Variants in EIF3J observed in about 807,000 individuals in gnomAD.
EIF3J encodes the protein eukaryotic translation initiation factor 3, subunit 1 (alpha, 35kD).
EIF3J carries 15 observed loss-of-function variants against 39.0 expected under a neutral mutation model. That is an observed-to-expected ratio of 0.38 (90% CI 0.26 to 0.59). The LOEUF is 0.59. Among genes scored for constraint, EIF3J ranks in the 20% least tolerant of loss-of-function variants. EIF3J has a pLI of 0.60. For synonymous variants in EIF3J, 98 were observed against 112.9 expected, an observed-to-expected ratio of 0.87 and a Z score of 0.84; for missense variants, 226 against 308.6, an observed-to-expected ratio of 0.73 and a Z score of 2.00.
intron 2 of EIF3J, among the ~76,000 whole-genome samples, chr15:44,550,320 G>T (rs78745120): frequency 6.6e-6 from 1 of 152,246 alleles, no homozygotes; most frequent in South Asian, 2.1e-4. Context: ...GGGTTTTTAT[G>T]ATAGTGAGTT....
At chr15:44,554,054 C>T (rs940666788) in intron 4 of EIF3J, among the ~76,000 whole-genome samples, 2 of 152,044 alleles carry the variant, frequency 1.3e-5, no homozygotes, top group African/African-American at 2.4e-5. Context: ...TTTGTGCCTC[C>T]ATTGCTTATC....
At chr15:44,544,945 A>G (rs999474967) in intron 2 of EIF3J, among the ~76,000 whole-genome samples, 7 of 150,418 alleles carry the variant, frequency 4.7e-5, no homozygotes, top group African/African-American at 1.7e-4. Flanking sequence ...CGGAGGTTGC[A>G]GTGAGCTGAG....
chr15:44,557,351 ACTCCAGTGG>A (rs1251232518), intron 5 of EIF3J, 129 bp from the exon 6 acceptor site: 4 of 507,474 alleles, frequency 7.9e-6, no homozygotes, highest in Non-Finnish European at 1.3e-5. Context: ...CTATCCAGTG[ACTCCAGTGG>A]CTCCAGGTTC....
rs369373873 is a variant in EIF3J, at chr15:44,537,215, G to A, written c.21G>A (p.Ala7=). ...TCGAGATGGCGGCGGCGGCGGCGGC[G>A]GCGGGGGACTCGGACTCCTGGGGTG... is the stretch of plus-strand genomic sequence containing the variant. MAAAAA[A]AGDSDSWDAD... The change falls in exon 1 of 8, where the codon GCG becomes GCA. Residue 7 remains alanine (A), a synonymous_variant. Transcript: ENST00000261868. The A allele has an allele frequency of 3.1e-6, 5 of 1,604,172 alleles. No individual in the cohort carries two copies. Among genetic ancestry groups the A allele is most frequent in the Admixed American group, 1.7e-5 (1 of 58,956 alleles).
In EIF3J at chr15:44,540,235, CTATATA is replaced by C. The variant is rs1158019805; in HGVS notation, c.147+2836_147+2841del. Among the ~76,000 whole-genome samples, 586 of 76,232 alleles carry C rather than the reference CTATATA, an allele frequency of 7.7e-3. 7 individuals are homozygous for C. Among genetic ancestry groups the C allele is most frequent in the African/African-American group, 0.02 (342 of 17,526 alleles). 50.0% of individuals were successfully genotyped at this position (76,232 alleles called of 152,430 possible). On this transcript the variant is annotated intron_variant, in intron 2 of 7. Transcript: ENST00000261868. ...TACAGACGTGAGCCACCGCGCCTGG[CTATATA>C]TATATATATATATATATATATATAT...
intron 2 of EIF3J, among the ~76,000 whole-genome samples, chr15:44,548,002 T>G (rs1567117240): frequency 6.6e-6 from 1 of 152,106 alleles, no homozygotes; most frequent in African/African-American, 2.4e-5. Context: ...TGAAGTTAGA[T>G]AAGTTGATAT....
Position 44,550,917 on chromosome 15 carries a change from A to G in EIF3J, c.189A>G (p.Ala63=). 6.2e-7 allele frequency: 1 copy of G among 1,610,082 alleles called. No individual in the cohort carries two copies. Among genetic ancestry groups the G allele is most frequent in the Non-Finnish European group, 8.5e-7 (1 of 1,177,588 alleles). ...ATGATGATGAAAAAAAAGAGGAAGC[A>G]GAAGTAAAACCAGGTGAGCCACTGG... ...DDDDDEKKEE[A]EVKPEVKISE... The change falls in exon 3 of 8, where the codon GCA becomes GCG. Residue 63 remains alanine, a synonymous_variant. Coordinates refer to ENST00000261868, the MANE Select transcript of EIF3J (RefSeq NM_003758.4).
At chr15:44,544,918 T>C (rs1425094031) in intron 2 of EIF3J, among the ~76,000 whole-genome samples, 1 of 150,006 alleles carries the variant, frequency 6.7e-6, no homozygotes, top group East Asian at 2.0e-4. Flanking sequence ...GCAGGAAAAT[T>C]GCTTGAACCT....
intron 2 of EIF3J, among the ~76,000 whole-genome samples, chr15:44,545,799 C>T (rs1833836021): frequency 6.6e-6 from 1 of 152,190 alleles, no homozygotes; most frequent in Non-Finnish European, 1.5e-5. Context: ...ATTCTTCTAA[C>T]TGTAACTTTA....
chr15:44,539,591 G>A (rs1286450518), intron 2 of EIF3J, among the ~76,000 whole-genome samples: 3 of 151,474 alleles, frequency 2.0e-5, no homozygotes, highest in Admixed American at 6.6e-5. Flanking sequence ...TAGTAGAGAC[G>A]GGGTTTCACC....
chr15:44,548,437 C>G (rs1052896927), intron 2 of EIF3J, among the ~76,000 whole-genome samples: 8 of 151,886 alleles, frequency 5.3e-5, no homozygotes, highest in Admixed American at 3.9e-4. Flanking sequence ...CCAAAAAAAC[C>G]CAGTATGGTA....
chr15:44,549,873 T>A (rs954141563), intron 2 of EIF3J, among the ~76,000 whole-genome samples: 3 of 147,116 alleles, frequency 2.0e-5, no homozygotes, highest in African/African-American at 7.6e-5. Context: ...GGCAGGAGAA[T>A]CGCTTGAACC....
chr15:44,537,332 G>T lies in EIF3J; in HGVS notation c.52G>T (p.Ala18Ser). 1.3e-6 allele frequency: 2 copies of T among 1,563,736 alleles called. No homozygotes were observed. The highest frequency in any genetic ancestry group is 2.3e-5 in the South Asian group (2 of 85,478). Reference sequence around the variant, plus strand: ...CTCGCTTTCTTCCGTAGACGCCGACGCTTTCTCCGTGGAAGACCCAGTGCG... The same window carrying T: ...CTCGCTTTCTTCCGTAGACGCCGACTCTTTCTCCGTGGAAGACCCAGTGCG... ...AGDSDSWDAD[A>S]FSVEDPVRKV... Residue 18 changes from alanine (A) to serine (S), a missense_variant, in exon 2 of 8, where the codon GCT becomes TCT. By Grantham distance (99) the Ala-to-Ser change is moderately conservative. Transcript: ENST00000261868.
At chr15:44,539,695 C>G (rs568991353) in intron 2 of EIF3J, among the ~76,000 whole-genome samples, 1 of 151,630 alleles carries the variant, frequency 6.6e-6, no homozygotes, top group Non-Finnish European at 1.5e-5. Context: ...CCACCACACC[C>G]GGCCCCAGTT....
rs371734858 is a variant in EIF3J at position 44,539,943 on chromosome 15, CTT to C, written c.147+2529_147+2530del. On this transcript the variant is annotated intron_variant, in intron 2 of 7. Transcript: ENST00000261868. Reference sequence around the variant, plus strand: ...GCCCAGCTAATTTACATATTTTTTTCTTTTTTTTTTTTTTGAGATAGAGTCTT... The same window carrying C: ...GCCCAGCTAATTTACATATTTTTTTCTTTTTTTTTTTTGAGATAGAGTCTT... Among the ~76,000 whole-genome samples the C allele has an allele frequency of 2.2e-3, 286 of 131,026 alleles. 1 individual carries two copies. The highest frequency in any genetic ancestry group is 7.6e-3 in the African/African-American group (264 of 34,846). 86.0% of individuals were successfully genotyped at this position (131,026 alleles called of 152,430 possible).
intron 2 of EIF3J, 52 bp downstream of exon 2, chr15:44,537,479 C>T: frequency 6.9e-7 from 1 of 1,446,118 alleles, no homozygotes; most frequent in South Asian, 1.5e-5. Flanking sequence ...GGCGCTGTTG[C>T]CGGCCGACTC....
intron 2 of EIF3J, among the ~76,000 whole-genome samples, chr15:44,543,369 TGAG>T (rs1039550238): frequency 6.6e-6 from 1 of 151,648 alleles, no homozygotes; most frequent in Admixed American, 6.6e-5. Flanking sequence ...TTTTATGAAT[TGAG>T]GAGCAGATGT....
At chr15:44,549,565 C>T (rs954083250) in intron 2 of EIF3J, among the ~76,000 whole-genome samples, 10 of 151,758 alleles carry the variant, frequency 6.6e-5, no homozygotes, top group Non-Finnish European at 1.2e-4. Flanking sequence ...ATCAGGAGTT[C>T]GAGACCAGTG....
chr15:44,550,264 CAT>C (rs942616323), intron 2 of EIF3J, among the ~76,000 whole-genome samples: 3 of 152,268 alleles, frequency 2.0e-5, no homozygotes, highest in Non-Finnish European at 2.9e-5. Context: ...AGGATATTAA[CAT>C]ATAAAAAAGC....
Sources: allele counts gnomAD v4.1 joint callset (sites outside exome capture counted in the v4.1 genomes callset), GRCh38; gene constraint gnomAD v4.1.1; transcripts MANE v1.5; gene names NCBI Gene and HGNC (gene_info 2026-07-23, HGNC 2026-07-21).